OSR2: variants seen among roughly 807,000 people sequenced by gnomAD.
The protein encoded by OSR2 is protein odd-skipped-related 2.
A neutral mutation model predicts 22.3 loss-of-function variants in OSR2; 8 were observed. The observed-to-expected ratio is 0.36, with a 90% confidence interval of 0.21 to 0.65. OSR2 has a LOEUF of 0.65. Among genes scored for constraint, OSR2 ranks in the 30% least tolerant of loss-of-function variants. OSR2 has a pLI of 0.66. For missense variants in OSR2, 311 were observed against 413.4 expected (o/e 0.75, Z 2.15); for synonymous variants, 179 against 173.8 (o/e 1.03, Z -0.23).
In OSR2 at chr8:98,949,702, C is replaced by A. The variant is rs1840727127; in HGVS notation, c.656+94C>A. 14 of 1,418,818 alleles carry A rather than the reference C, an allele frequency of 9.9e-6. 1 individual carries two copies. The highest frequency in any genetic ancestry group is 5.5e-5 in the South Asian group (4 of 72,832). The allele number at this position is 1,418,818 out of a possible 1,614,324, so 87.9% of individuals were successfully genotyped here. On this transcript the variant is annotated intron_variant, in intron 2 of 3. Transcript: ENST00000297565. This position sits in a 1 kb window ranked among gnomAD's most constrained non-coding sequence, Gnocchi z 5.9. ...AGACATTCCCAGTGTCATTATAATCCCCTGTGATCTAAAATACACCCTCAG... is the reference window on the plus strand; with the variant it reads ...AGACATTCCCAGTGTCATTATAATCACCTGTGATCTAAAATACACCCTCAG...
Position 98,948,079 on chromosome 8 carries a change from G to C in OSR2, c.-114-760G>C. On this transcript the variant is annotated intron_variant, in intron 1 of 3. Coordinates refer to ENST00000297565, the MANE Select transcript of OSR2 (RefSeq NM_001142462.3). The surrounding 1 kb of genome is among the most constrained non-coding windows in gnomAD (Gnocchi z 6.0). The stretch of plus-strand genomic sequence containing the variant: ...AAGGGATCTTAGTCGGGGGTTGGGA[G>C]GAGAGCCCGTGGATAGGAGGAGGGG... 7.5e-7 allele frequency: 1 copy of C among 1,326,560 alleles called. No homozygotes were observed. Among genetic ancestry groups the C allele is most frequent in the Non-Finnish European group, 9.7e-7 (1 of 1,036,140 alleles). 82.2% of individuals were successfully genotyped at this position (1,326,560 alleles called of 1,614,324 possible).
rs756760361 is a variant in OSR2 at position 98,951,729 on chromosome 8, C to T, written c.*28C>T. On this transcript the variant is annotated 3_prime_UTR_variant, in exon 4 of 4. Transcript: ENST00000297565. ...AAGCCCAGGATCTGTCCCGTGCCGC[C>T]GCTGCTCCCCTCCCCAGACACCTCT... is the stretch of plus-strand genomic sequence containing the variant. 8.2e-6 allele frequency: 13 copies of T among 1,587,320 alleles called. No individual in the cohort carries two copies. Among genetic ancestry groups the T allele is most frequent in the Admixed American group, 1.8e-5 (1 of 56,058 alleles).
At position 98,944,596 on chromosome 8, in the gene OSR2, C is replaced by G. The variant is rs1226668646; in HGVS notation, c.-342C>G. ...CTGGGCGAGCGCTGAACGCCGGCCCCAAGCACCCCGGGTCTTTACACAGTC... is the reference window on the plus strand; with the variant it reads ...CTGGGCGAGCGCTGAACGCCGGCCCGAAGCACCCCGGGTCTTTACACAGTC... On this transcript the variant is annotated 5_prime_UTR_variant, in exon 1 of 4. Transcript: ENST00000297565. The G allele has an allele frequency of 6.6e-6, 1 of 152,304 alleles. No homozygotes were observed. The highest frequency in any genetic ancestry group is 1.5e-5 in the Non-Finnish European group (1 of 68,094). The allele number at this position is 152,304 out of a possible 1,614,324, so 9.4% of individuals were successfully genotyped here.
In OSR2 at chr8:98,949,122, G is replaced by C. The variant is rs1313173298; in HGVS notation, c.170G>C (p.Gly57Ala). Residue 57 changes from glycine to alanine, a missense_variant, in exon 2 of 4, where the codon GGG (glycine) becomes GCG (alanine). Around this residue, in one of 5 missense-constraint regions of OSR2, gnomAD observed 146 missense variants for 160.5 expected, o/e 0.91. Transcript: ENST00000297565. This position sits in a 1 kb window ranked among gnomAD's most constrained non-coding sequence, Gnocchi z 5.9. ...QTMHMNHWTL[G>A]YPNVHEITRS... ...ATGCACATGAACCACTGGACGCTGG[G>C]GTATCCCAATGTGCACGAGATCACC... 1 of 1,613,766 alleles carries C rather than the reference G, an allele frequency of 6.2e-7. No individual in the cohort carries two copies. Among genetic ancestry groups the C allele is most frequent in the Admixed American group, 1.7e-5 (1 of 60,010 alleles).
In OSR2 at chr8:98,951,770, A is replaced by G. The variant is rs1587894137; in HGVS notation, c.*69A>G. The G allele has an allele frequency of 6.7e-7, 1 of 1,492,974 alleles. No individual in the cohort carries two copies. Among genetic ancestry groups the G allele is most frequent in the Non-Finnish European group, 9.0e-7 (1 of 1,110,956 alleles). The allele number at this position is 1,492,974 out of a possible 1,614,324, so 92.5% of individuals were successfully genotyped here. On this transcript the variant is annotated 3_prime_UTR_variant, in exon 4 of 4. Coordinates refer to ENST00000297565, the MANE Select transcript of OSR2 (RefSeq NM_001142462.3). ...AGACACCTCTCCACGTCTCCTACCC[A>G]GGGGGTCGCATCCCTAGCCCTTCAC... is the stretch of plus-strand genomic sequence containing the variant.
rs1294299206 is a variant in OSR2 at position 98,948,342 on chromosome 8, G to GGCAGC, written c.-114-489_-114-485dup. The GGCAGC allele has an allele frequency of 7.2e-6, 11 of 1,522,420 alleles. No individual in the cohort carries two copies. In the African/African-American group the frequency reaches 1.5e-4, roughly 21 times the overall value. The allele number at this position is 1,522,420 out of a possible 1,614,324, so 94.3% of individuals were successfully genotyped here. A position where few individuals can be genotyped will look rare whatever the true frequency, so the allele number is the denominator to read the frequency against. ...GGGAAAGGCGGCCACAGGGCGCGGCGGCAGCGCAGCGCGTGGGATCTCACG... is the reference window on the plus strand; with the variant it reads ...GGGAAAGGCGGCCACAGGGCGCGGCGGCAGCGCAGCGCAGCGCGTGGGATCTCACG... On this transcript the variant is annotated intron_variant, in intron 1 of 3. Transcript: ENST00000297565. This position sits in a 1 kb window ranked among gnomAD's most constrained non-coding sequence, Gnocchi z 6.0.
In OSR2 at chr8:98,948,347, C is replaced by T. The variant is rs1164588317; in HGVS notation, c.-114-492C>T. The T allele has an allele frequency of 6.6e-7, 1 of 1,521,742 alleles. No homozygotes were observed. The highest frequency in any genetic ancestry group is 8.8e-7 in the Non-Finnish European group (1 of 1,138,280). The allele number at this position is 1,521,742 out of a possible 1,614,324, so 94.3% of individuals were successfully genotyped here. ...AGGCGGCCACAGGGCGCGGCGGCAGCGCAGCGCGTGGGATCTCACGACCCA... is the reference window on the plus strand; with the variant it reads ...AGGCGGCCACAGGGCGCGGCGGCAGTGCAGCGCGTGGGATCTCACGACCCA... On this transcript the variant is annotated intron_variant, in intron 1 of 3. Coordinates refer to ENST00000297565, the MANE Select transcript of OSR2 (RefSeq NM_001142462.3). This position sits in a 1 kb window ranked among gnomAD's most constrained non-coding sequence, Gnocchi z 6.0.
chr8:98,945,852 T>C (rs1840598652), intron 1 of OSR2, among the ~76,000 whole-genome samples: 1 of 152,234 alleles, frequency 6.6e-6, no homozygotes, highest in Non-Finnish European at 1.5e-5. Context: ...TGGGCTGAAA[T>C]TCAGTGAGCC....
At chr8:98,945,211 G>A (rs1840571176) in intron 1 of OSR2, among the ~76,000 whole-genome samples, 1 of 152,218 alleles carries the variant, frequency 6.6e-6, no homozygotes, top group Non-Finnish European at 1.5e-5. Context: ...AGCGTGGACG[G>A]GCCCGGACAC....
Position 98,949,313 on chromosome 8 carries a change from T to C in OSR2, c.361T>C (p.Leu121=), listed in dbSNP as rs570278372. 6.2e-7 allele frequency: 1 copy of C among 1,613,532 alleles called. No individual in the cohort carries two copies. The highest frequency in any genetic ancestry group is 1.1e-5 in the South Asian group (1 of 90,994). The change falls in exon 2 of 4, where the codon TTG becomes CTG. Residue 121 remains leucine (L), a synonymous_variant. Coordinates refer to ENST00000297565, the MANE Select transcript of OSR2 (RefSeq NM_001142462.3). This position sits in a 1 kb window ranked among gnomAD's most constrained non-coding sequence, Gnocchi z 5.9. ...CCGGCCCCGTTTTGACTTTGCCAAT[T>C]TGGCGGTGGCTGCCACGCAAGAGGA... The part of the protein sequence containing the change: ...KDRPRFDFAN[L]AVAATQEDPP...
Position 98,948,371 on chromosome 8 carries a change from C to T in OSR2, c.-114-468C>T, listed in dbSNP as rs756724007. On this transcript the variant is annotated intron_variant, in intron 1 of 3. Coordinates refer to ENST00000297565, the MANE Select transcript of OSR2 (RefSeq NM_001142462.3). This position sits in a 1 kb window ranked among gnomAD's most constrained non-coding sequence, Gnocchi z 6.0. ...GCGCAGCGCGTGGGATCTCACGACC[C>T]ATCCGTTAACCCACCGTTCCCAGGA... is the stretch of plus-strand genomic sequence containing the variant. 153 of 1,498,560 alleles carry T rather than the reference C, an allele frequency of 1.0e-4. No homozygotes were observed. The Middle Eastern group carries it at 1.0e-3, about 10-fold the overall frequency. The allele number at this position is 1,498,560 out of a possible 1,614,324, so 92.8% of individuals were successfully genotyped here.
rs1247882502 is a variant in OSR2 at position 98,949,193 on chromosome 8, G to A, written c.241G>A (p.Ala81Thr). The A allele has an allele frequency of 1.3e-6, 2 of 1,593,044 alleles. No homozygotes were observed. The highest frequency in any genetic ancestry group is 2.7e-5 in the African/African-American group (2 of 74,700). ...GGCGGCGGCGCAGGGCCTCGTGGAC[G>A]CGCGCTTCCCCTTCCCGGCCCTGCC... ...EMAAAQGLVD[A>T]RFPFPALPFT... The change falls in exon 2 of 4, where the codon GCG (alanine) becomes ACG (threonine). Residue 81 changes from alanine (A) to threonine (T), a missense_variant. This residue lies in a region of OSR2 where 146 missense variants were observed against 160.5 expected (regional missense o/e 0.91). Coordinates refer to ENST00000297565, the MANE Select transcript of OSR2 (RefSeq NM_001142462.3). The surrounding 1 kb of genome is among the most constrained non-coding windows in gnomAD (Gnocchi z 5.9).
rs928221887 is a variant in OSR2 at position 98,948,392 on chromosome 8, C to T, written c.-114-447C>T. The T allele has an allele frequency of 7.2e-5, 105 of 1,458,440 alleles. No individual in the cohort carries two copies. Among genetic ancestry groups the T allele is most frequent in the Non-Finnish European group, 9.2e-5 (102 of 1,108,328 alleles). The allele number at this position is 1,458,440 out of a possible 1,614,324, so 90.3% of individuals were successfully genotyped here. On this transcript the variant is annotated intron_variant, in intron 1 of 3. Coordinates refer to ENST00000297565, the MANE Select transcript of OSR2 (RefSeq NM_001142462.3). The surrounding 1 kb of genome is among the most constrained non-coding windows in gnomAD (Gnocchi z 6.0). Reference sequence around the variant, plus strand: ...GACCCATCCGTTAACCCACCGTTCCCAGGAGCTCCGAGGCGCAGCGGCGAC... The same window carrying T: ...GACCCATCCGTTAACCCACCGTTCCTAGGAGCTCCGAGGCGCAGCGGCGAC...
Position 98,948,877 on chromosome 8 carries a change from C to G in OSR2, c.-76C>G, listed in dbSNP as rs575446049. 3.1e-6 allele frequency: 5 copies of G among 1,611,314 alleles called. No individual in the cohort carries two copies. The highest frequency in any genetic ancestry group is 2.7e-5 in the African/African-American group (2 of 74,898). On this transcript the variant is annotated 5_prime_UTR_variant, in exon 2 of 4. Transcript: ENST00000297565. The surrounding 1 kb of genome is among the most constrained non-coding windows in gnomAD (Gnocchi z 6.0). The stretch of plus-strand genomic sequence containing the variant: ...TGCTGTTGTCTCACTGGGTTTTTGT[C>G]GGAGCCCCACGCCCTCCGGCCTCTG...
intron 1 of OSR2, among the ~76,000 whole-genome samples, chr8:98,947,019 G>A (rs1312339919): frequency 6.6e-6 from 1 of 151,940 alleles, no homozygotes. Context: ...AGATTACCAG[G>A]AATGTTAGTA....
chr8:98,951,992 G>C lies in OSR2; in HGVS notation c.*291G>C, dbSNP rs1840798196. 3.5e-6 allele frequency: 1 copy of C among 284,654 alleles called. No homozygotes were observed. Among genetic ancestry groups the C allele is most frequent in the African/African-American group, 2.1e-5 (1 of 46,536 alleles). 17.6% of individuals were successfully genotyped at this position (284,654 alleles called of 1,614,324 possible). ...TTGTGGGTCTTTGTTTTGTTGTTTT[G>C]TTTGCTTTGGGATCTTGTTGGATGC... On this transcript the variant is annotated 3_prime_UTR_variant, in exon 4 of 4. Transcript: ENST00000297565.
Position 98,948,947 on chromosome 8 carries a change from C to T in OSR2, c.-6C>T, listed in dbSNP as rs771129906. 5 of 1,613,908 alleles carry T rather than the reference C, an allele frequency of 3.1e-6. No homozygotes were observed. The highest frequency in any genetic ancestry group is 3.3e-5 in the Admixed American group (2 of 60,030). ...GGTCCCCTCAGCACCCCCAGCATCC[C>T]GGAAAATGGGGAGCAAGGCTCTGCC... is the stretch of plus-strand genomic sequence containing the variant. On this transcript the variant is annotated 5_prime_UTR_variant, in exon 2 of 4. Transcript: ENST00000297565. This position sits in a 1 kb window ranked among gnomAD's most constrained non-coding sequence, Gnocchi z 6.0.
Position 98,951,968 on chromosome 8 carries a change from T to C in OSR2, c.*267T>C. 3.0e-6 allele frequency: 1 copy of C among 335,470 alleles called. No homozygotes were observed. Among genetic ancestry groups the C allele is most frequent in the Non-Finnish European group, 5.4e-6 (1 of 185,098 alleles). The allele number at this position is 335,470 out of a possible 1,614,324, so 20.8% of individuals were successfully genotyped here. ...CATTTTAGAGCTCTGTACATAATGT[T>C]GTGGGTCTTTGTTTTGTTGTTTTGT... On this transcript the variant is annotated 3_prime_UTR_variant, in exon 4 of 4. Coordinates refer to ENST00000297565, the MANE Select transcript of OSR2 (RefSeq NM_001142462.3).
rs1840698806 is a variant in OSR2 at position 98,948,978 on chromosome 8, C to T, written c.26C>T (p.Pro9Leu). 6.2e-7 allele frequency: 1 copy of T among 1,613,858 alleles called. No individual in the cohort carries two copies. The highest frequency in any genetic ancestry group is 1.3e-5 in the African/African-American group (1 of 74,940). ...ATGGGGAGCAAGGCTCTGCCAGCGC[C>T]CATCCCGCTCCACCCGTCGCTGCAG... Reference protein sequence around the residue: MGSKALPAPIPLHPSLQLT... With the variant: MGSKALPALIPLHPSLQLT... Residue 9 changes from proline (P) to leucine (L), a missense_variant, in exon 2 of 4, where the codon CCC becomes CTC. Around this residue, in one of 5 missense-constraint regions of OSR2, gnomAD observed 146 missense variants for 160.5 expected, o/e 0.91. Coordinates refer to ENST00000297565, the MANE Select transcript of OSR2 (RefSeq NM_001142462.3). This position sits in a 1 kb window ranked among gnomAD's most constrained non-coding sequence, Gnocchi z 6.0.
Sources: allele counts gnomAD v4.1 joint callset (sites outside exome capture counted in the v4.1 genomes callset), GRCh38; gene constraint gnomAD v4.1.1; regional missense constraint gnomAD v4.1.1; non-coding constraint Gnocchi (gnomAD v3.1); transcripts MANE v1.5; gene names NCBI Gene and HGNC (gene_info 2026-07-23, HGNC 2026-07-21).